Variants in TRIQK observed in about 807,000 individuals in gnomAD.
TRIQK encodes triple QxxK/R motif containing, also known as triple QxxK/R motif-containing protein.
In TRIQK, 10 loss-of-function variants were observed where a neutral mutation model predicts 10.8. The ratio of observed to expected loss-of-function variants is 0.92; its 90% CI spans 0.57 to 1.57. The LOEUF (loss-of-function observed/expected upper bound fraction) is 1.57. Ranked by LOEUF, TRIQK falls within the 40% of genes most tolerant of loss-of-function variation. The probability of loss-of-function intolerance (pLI) is 0.00; values close to 1 mark genes in which losing one functional copy is unlikely to be tolerated. For missense variants in TRIQK, 107 were observed against 97.7 expected, an observed-to-expected ratio of 1.09 and a Z score of -0.40; for synonymous variants, 33 against 33.7, an observed-to-expected ratio of 0.98 and a Z score of 0.07.
intron 2 of TRIQK, among the ~76,000 whole-genome samples, chr8:92,941,975 C>T (rs1044291772): frequency 2.6e-5 from 4 of 152,120 alleles, no homozygotes; most frequent in Non-Finnish European, 4.4e-5. Flanking sequence ...TGATAGCTTC[C>T]CTGTTGAATT....
intron 1 of TRIQK, among the ~76,000 whole-genome samples, chr8:92,998,064 G>C (rs889134110): frequency 6.6e-6 from 1 of 151,736 alleles, no homozygotes; most frequent in Non-Finnish European, 1.5e-5. Context: ...TGAGAAACAA[G>C]AGCAATTAAT....
chr8:93,002,430 C>T (rs1027859038), intron 1 of TRIQK, among the ~76,000 whole-genome samples: 2 of 151,952 alleles, frequency 1.3e-5, no homozygotes, highest in Non-Finnish European at 2.9e-5. Context: ...AACATTGCAA[C>T]AGATATCACA....
At position 92,946,157 on chromosome 8, in the gene TRIQK, G is replaced by C. The variant is rs1421968345; in HGVS notation, c.-22+8249C>G. On this transcript the variant is annotated intron_variant, in intron 2 of 4. Transcript: ENST00000521988. The stretch of plus-strand genomic sequence containing the variant: ...AGGAAATAGATCAGTGAAACAAAAA[G>C]AGTAATATCACAGCATACAAACAGA... Among the ~76,000 whole-genome samples, 3 of 152,022 alleles carry C rather than the reference G, an allele frequency of 2.0e-5. No homozygotes were observed. The East Asian group carries it at 5.8e-4, about 29-fold the overall frequency.
rs964472575 is a variant in TRIQK at position 92,886,105 on chromosome 8, T to A, written c.*517A>T. The A allele has an allele frequency of 6.6e-6, 1 of 151,762 alleles. No individual in the cohort carries two copies. The highest frequency in any genetic ancestry group is 1.5e-5 in the Non-Finnish European group (1 of 67,852). The allele number at this position is 151,762 out of a possible 1,614,324, so 9.4% of individuals were successfully genotyped here. Reference sequence around the variant, plus strand: ...ACAGTTGGCAAAGAAGGAAAAAGATTATGGTAGATGTATGTGCAGATAGTC... The same window carrying A: ...ACAGTTGGCAAAGAAGGAAAAAGATAATGGTAGATGTATGTGCAGATAGTC... On this transcript the variant is annotated 3_prime_UTR_variant, in exon 5 of 5. Transcript: ENST00000521988.
At chr8:92,971,114 G>A (rs1357762315), upstream of TRIQK, among the ~76,000 whole-genome samples, 3 of 151,942 alleles carry the variant, frequency 2.0e-5, no homozygotes, top group East Asian at 5.8e-4. Context: ...GTAGATGTGT[G>A]GTCTTATTTC....
chr8:92,930,082 A>G (rs923993688), intron 2 of TRIQK, among the ~76,000 whole-genome samples: 1 of 151,836 alleles, frequency 6.6e-6, no homozygotes, highest in African/African-American at 2.4e-5. Context: ...ATAAATTTTA[A>G]AAAGATTACA....
chr8:93,009,564 C>T (rs944108538), intron 1 of TRIQK, among the ~76,000 whole-genome samples: 4 of 151,762 alleles, frequency 2.6e-5, no homozygotes, highest in African/African-American at 7.3e-5. Context: ...GGCGAGATGA[C>T]ACCACTGCAC....
intron 1 of TRIQK, among the ~76,000 whole-genome samples, chr8:92,984,131 A>G (rs555306123): frequency 1.4e-4 from 21 of 152,234 alleles, no homozygotes; most frequent in African/African-American, 4.6e-4. Context: ...GATGGTTGAA[A>G]ATATACTATA....
chr8:92,907,841 T>G (rs1809361733), intron 3 of TRIQK, among the ~76,000 whole-genome samples: 1 of 152,080 alleles, frequency 6.6e-6, no homozygotes, highest in Admixed American at 6.6e-5. Context: ...CATACAAAGA[T>G]AGCTACTAAA....
chr8:92,926,757 C>A (rs1197167081), intron 2 of TRIQK, among the ~76,000 whole-genome samples: 1 of 152,134 alleles, frequency 6.6e-6, no homozygotes, highest in East Asian at 1.9e-4. Flanking sequence ...GATATCTATG[C>A]AGTAGCTCTG....
At chr8:92,900,218 G>C (rs1312649049) in intron 3 of TRIQK, among the ~76,000 whole-genome samples, 1 of 151,986 alleles carries the variant, frequency 6.6e-6, no homozygotes, top group Admixed American at 6.6e-5. Context: ...CTTTACTGAT[G>C]GTTTCCTTTG....
chr8:92,886,151 G>C lies in TRIQK; in HGVS notation c.*471C>G, dbSNP rs1816465861. On this transcript the variant is annotated 3_prime_UTR_variant, in exon 5 of 5. Coordinates refer to ENST00000521988, the MANE Select transcript of TRIQK (RefSeq NM_001171797.2). ...TAGTCTCTCTAATGATGTAAAATAC[G>C]TCCAGAAAGAAAGCAGGGCTTTGTT... 1 of 151,952 alleles carries C rather than the reference G, an allele frequency of 6.6e-6. No homozygotes were observed. Among genetic ancestry groups the C allele is most frequent in the South Asian group, 2.1e-4 (1 of 4,836 alleles). The allele number at this position is 151,952 out of a possible 1,614,324, so 9.4% of individuals were successfully genotyped here. A position where few individuals can be genotyped will look rare whatever the true frequency, so the allele number is the denominator to read the frequency against.
chr8:92,946,258 T>C (rs1408383387), intron 2 of TRIQK, among the ~76,000 whole-genome samples: 12 of 152,168 alleles, frequency 7.9e-5, no homozygotes. Context: ...TTTTTCACAT[T>C]TTGAAGATCT....
chr8:92,902,049 A>AT (rs927856962), intron 3 of TRIQK, among the ~76,000 whole-genome samples: 9 of 152,040 alleles, frequency 5.9e-5, no homozygotes, highest in Admixed American at 2.6e-4. Flanking sequence ...AGTAGCTTGT[A>AT]TTTTTTATTT....
intron 1 of TRIQK, among the ~76,000 whole-genome samples, chr8:92,981,500 C>CCTT (rs549872117): frequency 5.6e-4 from 85 of 151,678 alleles, no homozygotes; most frequent in African/African-American, 2.0e-3. Context: ...GTGGATTTAT[C>CCTT]CTTTTTTATA....
At position 92,886,333 on chromosome 8, in the gene TRIQK, A is replaced by G. The variant is rs1816474566; in HGVS notation, c.*289T>C. 5.3e-6 allele frequency: 1 copy of G among 190,150 alleles called. No homozygotes were observed. Among genetic ancestry groups the G allele is most frequent in the African/African-American group, 2.3e-5 (1 of 42,690 alleles). The allele number at this position is 190,150 out of a possible 1,614,324, so 11.8% of individuals were successfully genotyped here. A position where few individuals can be genotyped will look rare whatever the true frequency, so the allele number is the denominator to read the frequency against. On this transcript the variant is annotated 3_prime_UTR_variant, in exon 5 of 5. Coordinates refer to ENST00000521988, the MANE Select transcript of TRIQK (RefSeq NM_001171797.2). ...GAATTATACACATAAATTGGCAATGACATTTGAAAAATTTAGGATCTGGTT... is the reference window on the plus strand; with the variant it reads ...GAATTATACACATAAATTGGCAATGGCATTTGAAAAATTTAGGATCTGGTT...
At chr8:92,990,451 T>G (rs1813084859) in intron 1 of TRIQK, among the ~76,000 whole-genome samples, 1 of 152,174 alleles carries the variant, frequency 6.6e-6, no homozygotes, top group African/African-American at 2.4e-5. Context: ...GATCACGTAG[T>G]TGTCGCTGGC....
At chr8:92,917,526 AAAC>A (rs1207084173) in intron 2 of TRIQK, among the ~76,000 whole-genome samples, 1 of 152,012 alleles carries the variant, frequency 6.6e-6, no homozygotes, top group Non-Finnish European at 1.5e-5. Flanking sequence ...TAAACAATAA[AAAC>A]TACTACCATT....
chr8:92,931,009 GA>G (rs2130551180), intron 2 of TRIQK, among the ~76,000 whole-genome samples: 1 of 152,168 alleles, frequency 6.6e-6, no homozygotes, highest in East Asian at 1.9e-4. Context: ...TCCTCTATAT[GA>G]ATGGCCTTTT....
Sources: allele counts gnomAD v4.1 joint callset (sites outside exome capture counted in the v4.1 genomes callset), GRCh38; gene constraint gnomAD v4.1.1; transcripts MANE v1.5; gene names NCBI Gene and HGNC (gene_info 2026-07-23, HGNC 2026-07-21).